Variants in MED13L observed in about 807,000 individuals in gnomAD.
MED13L encodes mediator complex subunit 13L.
MED13L carries 7 observed loss-of-function variants against 220.9 expected under a neutral mutation model. The observed-to-expected ratio is 0.03, with a 90% confidence interval of 0.02 to 0.06. The LOEUF is 0.06. Ranked by LOEUF, MED13L falls within the 10% of genes least tolerant of loss-of-function variation. MED13L has a pLI of 1.00. For synonymous variants in MED13L, 1,011 were observed against 1,015.2 expected, an observed-to-expected ratio of 1.00 and a Z score of 0.08; for missense variants, 1,965 against 2,760.5, an observed-to-expected ratio of 0.71 and a Z score of 6.46.
chr12:116,086,227 G>A (rs1222840878), intron 4 of MED13L, among the ~76,000 whole-genome samples: 2 of 151,544 alleles, frequency 1.3e-5, no homozygotes, highest in Non-Finnish European at 2.9e-5. Context: ...CAAGGAGGCA[G>A]CTCCACAGTT....
At chr12:116,211,155 T>C (rs1228083060) in intron 2 of MED13L, among the ~76,000 whole-genome samples, 1 of 152,150 alleles carries the variant, frequency 6.6e-6, no homozygotes, top group Non-Finnish European at 1.5e-5. Flanking sequence ...TTTAGTCCCT[T>C]TTCTTACGAT....
intron 3 of MED13L, among the ~76,000 whole-genome samples, chr12:116,104,537 A>G (rs1250896078): frequency 6.6e-6 from 1 of 152,234 alleles, no homozygotes; most frequent in Non-Finnish European, 1.5e-5. Context: ...GCTGTGTTAT[A>G]AACTACCATG....
At chr12:116,238,224 G>A (rs1870284838) in intron 1 of MED13L, among the ~76,000 whole-genome samples, 1 of 152,214 alleles carries the variant, frequency 6.6e-6, no homozygotes, top group Non-Finnish European at 1.5e-5. Flanking sequence ...TATTTAGGTA[G>A]AAGCAATTAA....
chr12:116,214,326 CT>C (rs1882878389), intron 2 of MED13L, among the ~76,000 whole-genome samples: 1 of 151,960 alleles, frequency 6.6e-6, no homozygotes, highest in Admixed American at 6.6e-5. Context: ...CTTGGACCAT[CT>C]GACTTATCTT....
intron 7 of MED13L, among the ~76,000 whole-genome samples, chr12:116,019,006 A>C (rs1879895273): frequency 6.6e-6 from 1 of 152,216 alleles, no homozygotes; most frequent in Non-Finnish European, 1.5e-5. Context: ...AAACTATTTA[A>C]TAACAATAAA....
At chr12:116,100,334 C>T (rs1872961170) in intron 3 of MED13L, among the ~76,000 whole-genome samples, 2 of 152,068 alleles carry the variant, frequency 1.3e-5, no homozygotes, top group African/African-American at 4.8e-5. Context: ...CACAGTGGCT[C>T]ACCCCTGTAA....
intron 1 of MED13L, among the ~76,000 whole-genome samples, chr12:116,271,204 CGT>C (rs140643991): frequency 1.2e-3 from 179 of 149,664 alleles, no homozygotes; most frequent in African/African-American, 3.8e-3. Context: ...GAAACAAATA[CGT>C]GTGTGTGTGT....
intron 3 of MED13L, among the ~76,000 whole-genome samples, chr12:116,102,781 G>T (rs1463299622): frequency 7.4e-6 from 1 of 135,830 alleles, no homozygotes; most frequent in East Asian, 2.2e-4. Context: ...GAGTGCAGTG[G>T]CGTGATCTTG....
intron 4 of MED13L, among the ~76,000 whole-genome samples, chr12:116,031,759 A>AGAAAAGAAAAGAAAAGAAAAGAAG (rs1592967502): frequency 2.0e-4 from 8 of 40,976 alleles, no homozygotes; most frequent in East Asian, 1.6e-3. Context: ...AGAAAAGAAA[A>AGAAAAGAAAAGAAAAGAAAAGAAG]GAAGGAAGGA....
At chr12:116,153,718 C>T (rs1488049287) in intron 2 of MED13L, among the ~76,000 whole-genome samples, 1 of 152,104 alleles carries the variant, frequency 6.6e-6, no homozygotes, top group Non-Finnish European at 1.5e-5. Flanking sequence ...TAACCCATTC[C>T]CCCTTACTGC....
chr12:116,075,273 C>T (rs1214378428), intron 4 of MED13L, among the ~76,000 whole-genome samples: 1 of 152,114 alleles, frequency 6.6e-6, no homozygotes, highest in South Asian at 2.1e-4. Context: ...GTTATTTATC[C>T]CCATGTATCT....
At chr12:116,003,692 T>C (rs930495908) in intron 13 of MED13L, among the ~76,000 whole-genome samples, 1 of 152,122 alleles carries the variant, frequency 6.6e-6, no homozygotes, top group African/African-American at 2.4e-5. Context: ...TTAAATGAAC[T>C]GGTGATGAAT....
chr12:116,146,109 T>C (rs1009851738), intron 2 of MED13L, among the ~76,000 whole-genome samples: 32 of 152,170 alleles, frequency 2.1e-4, no homozygotes, highest in Middle Eastern at 3.4e-3. Flanking sequence ...TTATGAGCTA[T>C]TTTGAGATTT....
At chr12:116,037,508 G>C (rs917138198) in intron 4 of MED13L, among the ~76,000 whole-genome samples, 2 of 152,152 alleles carry the variant, frequency 1.3e-5, no homozygotes, top group Non-Finnish European at 2.9e-5. Flanking sequence ...AAAACGTTCT[G>C]ATCCCAAGCA....
Position 116,038,744 on chromosome 12 carries a change from C to CAAAAAAAAAAAAA in MED13L, c.480-16156_480-16144dup, listed in dbSNP as rs63703461. ...GACTTTACCTATGCGGTCAAAAGGC[C>CAAAAAAAAAAAAA]AAAAAAAAAAAAAAAAAAAAAAAAA... On this transcript the variant is annotated intron_variant, in intron 4 of 30. Transcript: ENST00000281928. Among the ~76,000 whole-genome samples the CAAAAAAAAAAAAA allele has an allele frequency of 9.7e-4, 73 of 75,262 alleles. 3 individuals are homozygous for CAAAAAAAAAAAAA. Among genetic ancestry groups the CAAAAAAAAAAAAA allele is most frequent in the East Asian group, 5.2e-3 (9 of 1,728 alleles). 49.4% of individuals were successfully genotyped at this position (75,262 alleles called of 152,430 possible).
At position 116,012,855 on chromosome 12, in the gene MED13L, T is replaced by A; in HGVS notation, c.1222A>T (p.Asn408Tyr). The A allele has an allele frequency of 1.9e-6, 3 of 1,614,026 alleles. No individual in the cohort carries two copies. Among genetic ancestry groups the A allele is most frequent in the Non-Finnish European group, 2.5e-6 (3 of 1,179,912 alleles). Reference sequence around the variant, plus strand: ...TCCACAAAATCCCAAGTAGCAGGATTGCTAGCAGGCTCTTCTTCAAGAGTT... The same window carrying A: ...TCCACAAAATCCCAAGTAGCAGGATAGCTAGCAGGCTCTTCTTCAAGAGTT... ...TPTLEEEPAS[N>Y]PATWDFVDPT... Residue 408 changes from asparagine (N) to tyrosine (Y), a missense_variant, in exon 9 of 31, where the codon AAT (asparagine) becomes TAT (tyrosine). Physicochemically the swap from Asn to Tyr is moderately radical, Grantham distance 143. This residue lies in a region of MED13L where 818 missense variants were observed against 1,041.2 expected (regional missense o/e 0.79). Transcript: ENST00000281928.
chr12:116,226,868 CAA>C (rs1170342196), intron 2 of MED13L, among the ~76,000 whole-genome samples: 8 of 63,872 alleles, frequency 1.3e-4, no homozygotes, highest in Non-Finnish European at 1.5e-4. Flanking sequence ...GACTCCATCT[CAA>C]AAAAAAAAAA....
chr12:116,024,710 G>T (rs1197579564), intron 4 of MED13L, among the ~76,000 whole-genome samples: 1 of 135,496 alleles, frequency 7.4e-6, no homozygotes, highest in Non-Finnish European at 1.5e-5. Flanking sequence ...CCAGATCAAT[G>T]AATGTGAAGA....
intron 3 of MED13L, 109 bp downstream of exon 3, chr12:116,111,319 A>T: frequency 1.2e-6 from 1 of 832,800 alleles, no homozygotes; most frequent in Non-Finnish European, 2.0e-6. Context: ...TTTTCATACT[A>T]GCAATAAATC....
Sources: gnomAD v4.1 joint callset for allele counts (sites outside exome capture counted in the v4.1 genomes callset) on GRCh38, gnomAD v4.1.1 for gene constraint, gnomAD v4.1.1 regional missense constraint, MANE v1.5 for transcripts, NCBI Gene and HGNC (gene_info 2026-07-23, HGNC 2026-07-21) for gene names.